The following CEP70 variants were observed in gnomAD, a reference collection of about 807,000 sequenced individuals.
CEP70 encodes the protein centrosomal protein 70.
Under a neutral mutation model 90.9 loss-of-function variants are expected in CEP70, and 70 were observed. The observed-to-expected ratio is 0.77, with a 90% CI of 0.64 to 0.94. CEP70 has a LOEUF of 0.94. Among genes scored for constraint, CEP70 ranks in the 40% least tolerant of loss-of-function variants. CEP70 has a pLI of 0.00. For missense variants in CEP70, 648 were observed against 669.0 expected (o/e 0.97, Z 0.35); for synonymous variants, 220 against 228.3 (o/e 0.96, Z 0.33).
chr3:138,507,824 T>C (rs2035126588), intron 12 of CEP70, among the ~76,000 whole-genome samples: 1 of 152,088 alleles, frequency 6.6e-6, no homozygotes, highest in South Asian at 2.1e-4. Context: ...TCTGACTTTT[T>C]AGGAGAAGTT....
intron 6 of CEP70, among the ~76,000 whole-genome samples, chr3:138,551,251 T>G (rs565908152): frequency 6.6e-6 from 1 of 152,348 alleles, no homozygotes; most frequent in East Asian, 1.9e-4. Context: ...GCCAAGAATT[T>G]TGTATCCAGA....
intron 2 of CEP70, among the ~76,000 whole-genome samples, chr3:138,575,364 T>A (rs2041440253): frequency 6.6e-6 from 1 of 151,874 alleles, no homozygotes; most frequent in African/African-American, 2.4e-5. Flanking sequence ...TGATTGAAGA[T>A]CAAATTAATG....
chr3:138,526,953 A>T (rs997855134), intron 10 of CEP70, among the ~76,000 whole-genome samples: 2 of 152,186 alleles, frequency 1.3e-5, no homozygotes, highest in African/African-American at 4.8e-5. Flanking sequence ...GTAATTTGTC[A>T]ATTAGCAATT....
chr3:138,532,160 T>C (rs575233017), intron 8 of CEP70, among the ~76,000 whole-genome samples: 2 of 152,212 alleles, frequency 1.3e-5, no homozygotes, highest in Non-Finnish European at 2.9e-5. Flanking sequence ...GGTTACACTT[T>C]GATAGGCAGC....
intron 17 of CEP70, chr3:138,496,264 G>A: frequency 4.1e-6 from 4 of 985,364 alleles, no homozygotes; most frequent in Non-Finnish European, 4.8e-6. Context: ...GATCTTGGTT[G>A]CTCTTCACTT....
intron 10 of CEP70, among the ~76,000 whole-genome samples, chr3:138,527,598 G>A (rs1369038212): frequency 1.3e-5 from 2 of 151,190 alleles, no homozygotes; most frequent in Non-Finnish European, 2.9e-5. Context: ...GGAGGCTGAG[G>A]CAGAAGAAAT....
intron 11 of CEP70, among the ~76,000 whole-genome samples, chr3:138,524,075 T>C (rs200533564): frequency 2.0e-4 from 22 of 109,108 alleles, no homozygotes; most frequent in African/African-American, 3.5e-4. Context: ...ATGCCACATA[T>C]CAACAACCAT....
At chr3:138,581,004 G>C (rs991631396) in intron 2 of CEP70, among the ~76,000 whole-genome samples, 1 of 152,160 alleles carries the variant, frequency 6.6e-6, no homozygotes, top group South Asian at 2.1e-4. Flanking sequence ...TAAAAAACAG[G>C]CCGGGCATGG....
At chr3:138,505,195 T>C in intron 13 of CEP70, 100 bp downstream of exon 13, 1 of 969,876 alleles carries the variant, frequency 1.0e-6, no homozygotes, top group Non-Finnish European at 1.4e-6. Context: ...AACAAAAAAA[T>C]TAAACCCTAT....
chr3:138,523,439 CT>C (rs1218060616), intron 11 of CEP70, among the ~76,000 whole-genome samples: 24 of 152,220 alleles, frequency 1.6e-4, no homozygotes, highest in African/African-American at 5.8e-4. Context: ...CAAATTGTCC[CT>C]GTTTGCAGAT....
chr3:138,509,101 T>G (rs74441458), intron 11 of CEP70, among the ~76,000 whole-genome samples: 1,681 of 152,148 alleles, frequency 0.011, 21 homozygotes, highest in African/African-American at 0.038. Context: ...AATCGCAAAT[T>G]AGAAGGAATC....
chr3:138,574,672 T>G (rs1047413229), intron 2 of CEP70, among the ~76,000 whole-genome samples: 1 of 152,170 alleles, frequency 6.6e-6, no homozygotes, highest in Non-Finnish European at 1.5e-5. Flanking sequence ...GTAGCCTAAC[T>G]GGGAGACACC....
chr3:138,570,373 G>T lies in CEP70; in HGVS notation c.410C>A (p.Ala137Asp). 1.2e-6 allele frequency: 2 copies of T among 1,604,858 alleles called. No individual in the cohort carries two copies. Among genetic ancestry groups the T allele is most frequent in the South Asian group, 1.1e-5 (1 of 88,918 alleles). Residue 137 changes from alanine to aspartate, a missense_variant, in exon 6 of 18, where the codon GCT (alanine) becomes GAT (aspartate). Ala to Asp is a moderately radical substitution (Grantham distance 126). Transcript: ENST00000264982. ...GELEDESLSR[A>D]CHQQNKIKDL... ...TTTTATTTTATTCTGTTGGTGGCAA[G>T]CCCTACTTAGTGATTCATCCTCCAA...
Position 138,498,062 on chromosome 3 carries a change from C to G in CEP70, c.1701G>C (p.Gln567His). The G allele has an allele frequency of 6.2e-7, 1 of 1,613,226 alleles. No individual in the cohort carries two copies. Among genetic ancestry groups the G allele is most frequent in the Non-Finnish European group, 8.5e-7 (1 of 1,179,680 alleles). Residue 567 changes from glutamine to histidine, a missense_variant, in exon 17 of 18, where the codon CAG becomes CAC. Gln to His is a conservative substitution (Grantham distance 24). Transcript: ENST00000264982. ...TTTCAAGTAGATCATTAGTAAATGC[C>G]TGAAATGCTGGGAAAAATTCCTCGT... ...EEHEEFFPAFQAFTNDLLEIL... is the reference protein window; with the variant it reads ...EEHEEFFPAFHAFTNDLLEIL...
chr3:138,514,459 T>G (rs2035821108), intron 11 of CEP70, among the ~76,000 whole-genome samples: 1 of 152,174 alleles, frequency 6.6e-6, no homozygotes, highest in South Asian at 2.1e-4. Context: ...CTGTTTCTTT[T>G]TTTTCCTACG....
At chr3:138,568,398 T>G (rs540062926) in intron 6 of CEP70, among the ~76,000 whole-genome samples, 1 of 152,186 alleles carries the variant, frequency 6.6e-6, no homozygotes, top group African/African-American at 2.4e-5. Flanking sequence ...ATTAATTACA[T>G]CTCAACCTGT....
intron 12 of CEP70, among the ~76,000 whole-genome samples, chr3:138,506,326 G>C (rs1436105395): frequency 6.6e-6 from 1 of 152,126 alleles, no homozygotes; most frequent in African/African-American, 2.4e-5. Flanking sequence ...CTGGGCAACA[G>C]AGCAAGACCC....
intron 11 of CEP70, among the ~76,000 whole-genome samples, chr3:138,521,846 G>A (rs1440345473): frequency 6.6e-6 from 1 of 152,194 alleles, no homozygotes; most frequent in Non-Finnish European, 1.5e-5. Flanking sequence ...AATAGAAAAG[G>A]GGGAAATGTG....
intron 10 of CEP70, among the ~76,000 whole-genome samples, chr3:138,528,428 C>T (rs2037496971): frequency 2.6e-5 from 4 of 152,090 alleles, no homozygotes; most frequent in African/African-American, 2.4e-5. Flanking sequence ...TGCTCTTGTT[C>T]CTTTCATAAG....
Sources: allele counts gnomAD v4.1 joint callset (sites outside exome capture counted in the v4.1 genomes callset), GRCh38; gene constraint gnomAD v4.1.1; transcripts MANE v1.5; gene names NCBI Gene and HGNC (gene_info 2026-07-23, HGNC 2026-07-21).